The following RNF6 variants were observed in gnomAD, a reference collection of about 807,000 sequenced individuals.
RNF6 encodes the protein ring finger protein 6.
Under a neutral mutation model 50.1 loss-of-function variants are expected in RNF6, and 21 were observed. That is an observed-to-expected ratio of 0.42 (90% CI 0.30 to 0.60). The LOEUF (loss-of-function observed/expected upper bound fraction) is 0.60. RNF6 is among the 20% of genes least tolerant of loss of function. The probability of loss-of-function intolerance (pLI) is 0.20; values close to 1 mark genes in which losing one functional copy is unlikely to be tolerated. For synonymous variants in RNF6, 255 were observed against 291.8 expected (o/e 0.87, Z 1.29); for missense variants, 698 against 838.2 (o/e 0.83, Z 2.07).
chr13:26,209,526 T>A (rs1170348211), downstream of RNF6, among the ~76,000 whole-genome samples: 1 of 152,232 alleles, frequency 6.6e-6, no homozygotes, highest in Non-Finnish European at 1.5e-5. Context: ...TATCCCATAA[T>A]CTGCAGAATG....
chr13:26,137,241 T>C (rs568104057), intron 5 of RNF6, among the ~76,000 whole-genome samples: 5 of 152,218 alleles, frequency 3.3e-5, no homozygotes, highest in African/African-American at 1.2e-4. Flanking sequence ...GAAAAGTGCA[T>C]TAATATTGCA....
chr13:26,199,418 A>G (rs1247620479), intron 5 of RNF6, among the ~76,000 whole-genome samples: 1 of 152,186 alleles, frequency 6.6e-6, no homozygotes, highest in Admixed American at 6.5e-5. Flanking sequence ...AAAAAACTAA[A>G]TGAAAACAAC....
At chr13:26,218,092 A>T (rs1171080203) in intron 4 of RNF6, among the ~76,000 whole-genome samples, 1 of 152,224 alleles carries the variant, frequency 6.6e-6, no homozygotes, top group East Asian at 1.9e-4. Context: ...TACTTTCCTT[A>T]TAAGAACTTT....
chr13:26,153,468 T>C (rs1871741660), intron 5 of RNF6, among the ~76,000 whole-genome samples: 1 of 152,056 alleles, frequency 6.6e-6, no homozygotes, highest in African/African-American at 2.4e-5. Flanking sequence ...CACCTCGGCC[T>C]CCCAAAGTTC....
At chr13:26,173,309 C>G (rs1355973484) in intron 5 of RNF6, among the ~76,000 whole-genome samples, 1 of 152,060 alleles carries the variant, frequency 6.6e-6, no homozygotes, top group Admixed American at 6.5e-5. Flanking sequence ...GTGGGAAAAC[C>G]TAAATATTCA....
intron 5 of RNF6, among the ~76,000 whole-genome samples, chr13:26,146,979 T>C (rs114688292): frequency 0.04 from 6,106 of 152,280 alleles, 177 homozygotes; most frequent in African/African-American, 0.079. Context: ...TTACCAGCCA[T>C]GATTCTTGTA....
chr13:26,208,771 T>C (rs1181143143), downstream of RNF6, among the ~76,000 whole-genome samples: 4 of 152,204 alleles, frequency 2.6e-5, no homozygotes, highest in Non-Finnish European at 5.9e-5. Context: ...AAGAAGGTCA[T>C]GCTGCTCGAT....
At chr13:26,193,492 G>A (rs1327603164) in intron 5 of RNF6, among the ~76,000 whole-genome samples, 1 of 152,218 alleles carries the variant, frequency 6.6e-6, no homozygotes, top group Non-Finnish European at 1.5e-5. Context: ...AGACATTGGT[G>A]ACTTTGATAA....
At chr13:26,219,436 C>A in intron 3 of RNF6, 21 bp downstream of exon 3, 1 of 1,544,160 alleles carries the variant, frequency 6.5e-7, no homozygotes, top group South Asian at 1.2e-5. Context: ...AAGGGTGTTT[C>A]CTCTTTTACC....
chr13:26,163,939 G>A (rs1020312304), intron 5 of RNF6, among the ~76,000 whole-genome samples: 1 of 152,118 alleles, frequency 6.6e-6, no homozygotes, highest in Non-Finnish European at 1.5e-5. Context: ...TGAAAAATGA[G>A]TTTCAAATAT....
At chr13:26,146,341 T>C (rs1871243271) in intron 5 of RNF6, among the ~76,000 whole-genome samples, 1 of 152,234 alleles carries the variant, frequency 6.6e-6, no homozygotes, top group Admixed American at 6.5e-5. Context: ...ACATCTACCT[T>C]GCCTTTGGTG....
At position 26,219,543 on chromosome 13, in the gene RNF6, C is replaced by T; in HGVS notation, c.107G>A (p.Arg36Lys). ...ERRWQQERLHREEAYYQFINE... is the reference protein window; with the variant it reads ...ERRWQQERLHKEEAYYQFINE... ...AATAAACTGATAATAGGCCTCTTCT[C>T]TGTGGAGACGCTCTTGCTGCCATCT... The change falls in exon 3 of 5, where the codon AGA becomes AAA. Residue 36 changes from arginine to lysine, a missense_variant. Physicochemically the swap from Arg to Lys is conservative, Grantham distance 26 (BLOSUM62 2). Coordinates refer to ENST00000381588, the MANE Select transcript of RNF6 (RefSeq NM_005977.4). 6.2e-7 allele frequency: 1 copy of T among 1,613,996 alleles called. No individual in the cohort carries two copies. The highest frequency in any genetic ancestry group is 8.5e-7 in the Non-Finnish European group (1 of 1,179,946).
At chr13:26,154,037 T>A (rs1261894083) in intron 5 of RNF6, 1 of 152,230 alleles carries the variant, frequency 6.6e-6, no homozygotes, top group Non-Finnish European at 1.5e-5. Flanking sequence ...CTTAAACTCT[T>A]TAAGAATCCT....
At chr13:26,211,978 T>C (rs1869346604), downstream of RNF6, among the ~76,000 whole-genome samples, 1 of 152,226 alleles carries the variant, frequency 6.6e-6, no homozygotes, top group East Asian at 1.9e-4. Flanking sequence ...AACGTCTTTT[T>C]TTAAAAACCA....
At chr13:26,216,333 G>A (rs1280949948) in intron 4 of RNF6, among the ~76,000 whole-genome samples, 3 of 152,086 alleles carry the variant, frequency 2.0e-5, no homozygotes, top group Non-Finnish European at 4.4e-5. Flanking sequence ...CCCCATAAAT[G>A]TTAGCTGTTA....
intron 5 of RNF6, among the ~76,000 whole-genome samples, chr13:26,139,553 C>T (rs1165866465): frequency 1.3e-5 from 2 of 152,148 alleles, no homozygotes; most frequent in Non-Finnish European, 2.9e-5. Flanking sequence ...TAGGACAATA[C>T]TTTACAGTCA....
chr13:26,161,149 CTATT>C (rs1872195298), intron 5 of RNF6, among the ~76,000 whole-genome samples: 1 of 152,136 alleles, frequency 6.6e-6, no homozygotes, highest in Non-Finnish European at 1.5e-5. Flanking sequence ...AAAAGTGAAT[CTATT>C]TGTGTTTTCT....
intron 5 of RNF6, among the ~76,000 whole-genome samples, chr13:26,191,257 T>G (rs912605465): frequency 1.3e-5 from 2 of 149,410 alleles, no homozygotes; most frequent in Admixed American, 6.6e-5. Context: ...TAAAAGCTAA[T>G]TCCAATGGAT....
intron 5 of RNF6, among the ~76,000 whole-genome samples, chr13:26,207,460 T>A (rs1869156184): frequency 6.8e-6 from 1 of 146,660 alleles, no homozygotes; most frequent in Non-Finnish European, 1.5e-5. Flanking sequence ...ACTTGAGAGA[T>A]GATGGCAAGA....
Sources: gnomAD v4.1 joint callset for allele counts (sites outside exome capture counted in the v4.1 genomes callset) on GRCh38, gnomAD v4.1.1 for gene constraint, MANE v1.5 for transcripts, NCBI Gene and HGNC (gene_info 2026-07-23, HGNC 2026-07-21) for gene names.